Variants in PHC2 observed in about 807,000 individuals in gnomAD.
PHC2 encodes polyhomeotic-like protein 2.
Under a neutral mutation model 87.4 loss-of-function variants are expected in PHC2, and 29 were observed. The observed-to-expected ratio is 0.33, with a 90% CI of 0.25 to 0.45. PHC2 has a LOEUF of 0.45. PHC2 is among the 20% of genes least tolerant of loss of function. PHC2 has a pLI of 1.00. For missense variants in PHC2, 857 were observed against 1,136.7 expected (o/e 0.75, Z 3.54); for synonymous variants, 438 against 461.7 (o/e 0.95, Z 0.66).
chr1:33,329,490 CA>C (rs34875983), intron 13 of PHC2, among the ~76,000 whole-genome samples: 61,232 of 148,950 alleles, frequency 0.41, 14,065 homozygotes, highest in African/African-American at 0.65. Flanking sequence ...AGGTTTAAGA[CA>C]AAAAAAAAAT....
chr1:33,375,436 C>T lies in PHC2; in HGVS notation c.104G>A (p.Gly35Asp), dbSNP rs1313795875. 6.2e-7 allele frequency: 1 copy of T among 1,612,428 alleles called. No individual in the cohort carries two copies. Among genetic ancestry groups the T allele is most frequent in the Non-Finnish European group, 8.5e-7 (1 of 1,179,342 alleles). ...GGGCCCGGTGGGGCGGCCACTTCCA[C>T]CACTGCTGCTGTTGTTGCAGCCACT... is the stretch of plus-strand genomic sequence containing the variant. ...SSSGCNNSSSGGSGRPTGPQI... is the reference protein window; with the variant it reads ...SSSGCNNSSSDGSGRPTGPQI... The change falls in exon 2 of 15, where the codon GGT becomes GAT. Residue 35 changes from glycine (G) to aspartate (D), a missense_variant. Gly to Asp is a moderately conservative substitution (Grantham distance 94). Around this residue, in one of 3 missense-constraint regions of PHC2, gnomAD observed 832 missense variants for 1,081.8 expected, o/e 0.77. Coordinates refer to ENST00000683057, the MANE Select transcript of PHC2 (RefSeq NM_001385109.1).
intron 1 of PHC2, among the ~76,000 whole-genome samples, chr1:33,410,587 C>A (rs1464400192): frequency 6.6e-6 from 1 of 152,176 alleles, no homozygotes; most frequent in African/African-American, 2.4e-5. Context: ...CACTTACTCA[C>A]TCATCTGCTT....
intron 9 of PHC2, among the ~76,000 whole-genome samples, chr1:33,338,245 A>G (rs1646677711): frequency 6.6e-6 from 1 of 152,246 alleles, no homozygotes; most frequent in Non-Finnish European, 1.5e-5. Flanking sequence ...TACAGAGCCA[A>G]TGCTTAACTC....
intron 1 of PHC2, among the ~76,000 whole-genome samples, chr1:33,411,261 A>C (rs1007249914): frequency 1.2e-4 from 18 of 152,214 alleles, no homozygotes; most frequent in Non-Finnish European, 2.6e-4. Flanking sequence ...TTAAATCACT[A>C]ATCAAGAAAT....
chr1:33,374,255 C>T (rs1648031715), intron 2 of PHC2, among the ~76,000 whole-genome samples: 1 of 152,078 alleles, frequency 6.6e-6, no homozygotes, highest in African/African-American at 2.4e-5. Flanking sequence ...CTGCATGCAA[C>T]CTTGGGTGAT....
intron 1 of PHC2, among the ~76,000 whole-genome samples, chr1:33,385,727 A>G (rs1385382946): frequency 1.3e-5 from 2 of 152,174 alleles, no homozygotes; most frequent in Non-Finnish European, 2.9e-5. Context: ...TAAGATCACT[A>G]TCCAAGCCAG....
intron 1 of PHC2, among the ~76,000 whole-genome samples, chr1:33,415,928 T>G (rs780337185): frequency 6.6e-6 from 1 of 152,086 alleles, no homozygotes; most frequent in Admixed American, 6.5e-5. Context: ...ATCAGTGAAC[T>G]TGAAGACACA....
intron 7 of PHC2, among the ~76,000 whole-genome samples, chr1:33,361,609 C>T (rs1647196299): frequency 6.6e-6 from 1 of 152,212 alleles, no homozygotes; most frequent in South Asian, 2.1e-4. Flanking sequence ...TCCCAAAGGG[C>T]TGAGATTACA....
At chr1:33,390,372 T>A (rs767301383) in intron 1 of PHC2, among the ~76,000 whole-genome samples, 14 of 152,244 alleles carry the variant, frequency 9.2e-5, no homozygotes, top group Non-Finnish European at 1.6e-4. Context: ...ATCTAGTTAC[T>A]AGAGTAAATT....
chr1:33,429,245 A>C (rs1650804897), intron 1 of PHC2, among the ~76,000 whole-genome samples: 1 of 152,172 alleles, frequency 6.6e-6, no homozygotes, highest in Non-Finnish European at 1.5e-5. Flanking sequence ...TGAGGCTCAG[A>C]AAAACTGATG....
chr1:33,426,237 AG>A (rs891517097), intron 1 of PHC2, among the ~76,000 whole-genome samples: 18 of 152,214 alleles, frequency 1.2e-4, no homozygotes, highest in African/African-American at 4.3e-4. Context: ...GGGTAGATGA[AG>A]GAACAGAGTA....
At chr1:33,385,149 A>G (rs918748848) in intron 1 of PHC2, among the ~76,000 whole-genome samples, 1 of 152,214 alleles carries the variant, frequency 6.6e-6, no homozygotes, top group African/African-American at 2.4e-5. Flanking sequence ...GACTGTGGTC[A>G]CTGCAAAAAG....
chr1:33,389,092 A>G (rs980998986), intron 1 of PHC2, among the ~76,000 whole-genome samples: 3 of 151,348 alleles, frequency 2.0e-5, no homozygotes. Flanking sequence ...AAGAAAAAAA[A>G]CCCCCTCACC....
intron 1 of PHC2, among the ~76,000 whole-genome samples, chr1:33,402,008 G>A (rs1649555214): frequency 6.6e-6 from 1 of 152,020 alleles, no homozygotes; most frequent in African/African-American, 2.4e-5. Flanking sequence ...ATTTATGTTC[G>A]TCAAAGGCAT....
In PHC2 at chr1:33,334,068, G is replaced by A; in HGVS notation, c.1761+22C>T. ...ATCCAAAATATACTTAAAAAAAAAAGGGGAAAAGAAGTAGTCCGTACCGGG... is the reference window on the plus strand; with the variant it reads ...ATCCAAAATATACTTAAAAAAAAAAAGGGAAAAGAAGTAGTCCGTACCGGG... On this transcript the variant is annotated intron_variant, in intron 10 of 14. Coordinates refer to ENST00000683057, the MANE Select transcript of PHC2 (RefSeq NM_001385109.1). This position sits in a 1 kb window ranked among gnomAD's most constrained non-coding sequence, Gnocchi z 5.5. The A allele has an allele frequency of 6.5e-7, 1 of 1,550,012 alleles. No individual in the cohort carries two copies.
At position 33,404,168 on chromosome 1, in the gene PHC2, C is replaced by A. The variant is rs1457369509; in HGVS notation, c.-55+26808G>T. Among the ~76,000 whole-genome samples the A allele has an allele frequency of 4.6e-5, 7 of 152,168 alleles. No individual in the cohort carries two copies. The East Asian group carries it at 1.3e-3, about 29-fold the overall frequency. On this transcript the variant is annotated intron_variant, in intron 1 of 14. Transcript: ENST00000683057. ...TGAAACTCATGATTTCCCTCCAAAACACTTCTTCTAATATTCCTTCTCAGT... is the reference window on the plus strand; with the variant it reads ...TGAAACTCATGATTTCCCTCCAAAAAACTTCTTCTAATATTCCTTCTCAGT...
intron 7 of PHC2, among the ~76,000 whole-genome samples, chr1:33,356,285 A>G (rs1311739049): frequency 7.3e-6 from 1 of 137,532 alleles, no homozygotes; most frequent in Non-Finnish European, 1.6e-5. Flanking sequence ...ATGTATATAT[A>G]TATATATATT....
chr1:33,386,811 C>T (rs1180820953), intron 1 of PHC2, among the ~76,000 whole-genome samples: 1 of 152,138 alleles, frequency 6.6e-6, no homozygotes, highest in East Asian at 1.9e-4. Context: ...TGCGCACACA[C>T]ACCCTGCACA....
At chr1:33,392,481 C>T (rs1649111124) in intron 1 of PHC2, among the ~76,000 whole-genome samples, 1 of 152,188 alleles carries the variant, frequency 6.6e-6, no homozygotes, top group African/African-American at 2.4e-5. Context: ...CTCGTTTATT[C>T]ACTTCACTAG....
Sources: gnomAD v4.1 joint callset for allele counts (sites outside exome capture counted in the v4.1 genomes callset) on GRCh38, gnomAD v4.1.1 for gene constraint, gnomAD v4.1.1 regional missense constraint, Gnocchi (gnomAD v3.1) non-coding constraint, MANE v1.5 for transcripts, NCBI Gene and HGNC (gene_info 2026-07-23, HGNC 2026-07-21) for gene names.